Variants in IRAK3 observed in about 807,000 individuals in gnomAD.
IRAK3 encodes the protein interleukin-1 receptor-associated kinase 3.
Under a neutral mutation model 56.6 loss-of-function variants are expected in IRAK3, and 57 were observed. That is an observed-to-expected ratio of 1.01 (90% CI 0.81 to 1.26). IRAK3 has a LOEUF of 1.26. Among genes scored for constraint, IRAK3 ranks in the 50% most tolerant of loss-of-function variants. The pLI is 0.00. For missense variants in IRAK3, 703 were observed against 719.0 expected (o/e 0.98, Z 0.25); for synonymous variants, 258 against 255.7 (o/e 1.01, Z -0.09).
chr12:66,201,159 C>T (rs986774524), intron 1 of IRAK3, among the ~76,000 whole-genome samples: 5 of 152,182 alleles, frequency 3.3e-5, no homozygotes, highest in African/African-American at 1.2e-4. Context: ...CAAGACTTAT[C>T]ATTTTTCTGA....
At chr12:66,202,106 G>A (rs992347447) in intron 1 of IRAK3, among the ~76,000 whole-genome samples, 1 of 152,160 alleles carries the variant, frequency 6.6e-6, no homozygotes, top group Non-Finnish European at 1.5e-5. Context: ...TACTGTTCAA[G>A]AATAAAGTTA....
At chr12:66,219,760 A>T (rs2052712524) in intron 6 of IRAK3, among the ~76,000 whole-genome samples, 1 of 152,162 alleles carries the variant, frequency 6.6e-6, no homozygotes, top group Admixed American at 6.5e-5. Flanking sequence ...GTGTGAGGTG[A>T]TATCTCATTG....
intron 6 of IRAK3, among the ~76,000 whole-genome samples, chr12:66,218,956 C>T (rs145987794): frequency 6.6e-6 from 1 of 152,244 alleles, no homozygotes; most frequent in African/African-American, 2.4e-5. Context: ...TTTTACTTAG[C>T]ATAATGTCTT....
In IRAK3 at chr12:66,253,435, G is replaced by T. The variant is rs367874811; in HGVS notation, c.*5264G>T. ...TGTTGTGTTTTGTATCTGTCTTCCC[G>T]TTCCAAATCATTTATATATACTTGA... On this transcript the variant is annotated 3_prime_UTR_variant, in exon 12 of 12. Transcript: ENST00000261233. 9.2e-5 allele frequency: 14 copies of T among 152,084 alleles called. No homozygotes were observed. The highest frequency in any genetic ancestry group is 3.1e-4 in the African/African-American group (13 of 41,436). 9.4% of individuals were successfully genotyped at this position (152,084 alleles called of 1,614,324 possible).
rs753932137 is a variant in IRAK3 at position 66,254,407 on chromosome 12, G to A, written c.*6236G>A. On this transcript the variant is annotated 3_prime_UTR_variant, in exon 12 of 12. Coordinates refer to ENST00000261233, the MANE Select transcript of IRAK3 (RefSeq NM_007199.3). ...TTATTGAATCAAAAAGTAGACTACA[G>A]GATATATGTTGAATATGAGCTCATT... 3 of 152,144 alleles carry A rather than the reference G, an allele frequency of 2.0e-5. No homozygotes were observed. In the Middle Eastern group the frequency reaches 0.01, roughly 517 times the overall value. 9.4% of individuals were successfully genotyped at this position (152,144 alleles called of 1,614,324 possible). A position where few individuals can be genotyped will look rare whatever the true frequency, so the allele number is the denominator to read the frequency against.
At chr12:66,230,019 A>G (rs1404374175) in intron 8 of IRAK3, among the ~76,000 whole-genome samples, 2 of 152,166 alleles carry the variant, frequency 1.3e-5, no homozygotes, top group African/African-American at 4.8e-5. Context: ...AGAAAAGAGA[A>G]GGTGTTGGGG....
rs373648664 is a variant in IRAK3 at position 66,244,635 on chromosome 12, T to C, written c.1037T>C (p.Ile346Thr). 1 of 1,613,890 alleles carries C rather than the reference T, an allele frequency of 6.2e-7. No individual in the cohort carries two copies. The highest frequency in any genetic ancestry group is 1.7e-5 in the Admixed American group (1 of 60,000). The change falls in exon 9 of 12, where the codon ATC (isoleucine) becomes ACC (threonine). Residue 346 changes from isoleucine (I) to threonine (T), a missense_variant. Ile to Thr is a moderately conservative substitution (Grantham distance 89). Coordinates refer to ENST00000261233, the MANE Select transcript of IRAK3 (RefSeq NM_007199.3). ...KHLWYMPEEY[I>T]RQGKLSIKTD... ...CTGTGGTACATGCCAGAAGAGTACA[T>C]CAGACAGGGGAAACTTTCCATTAAA... is the stretch of plus-strand genomic sequence containing the variant.
rs2053134828 is a variant in IRAK3 at position 66,254,464 on chromosome 12, T to G, written c.*6293T>G. On this transcript the variant is annotated 3_prime_UTR_variant, in exon 12 of 12. Transcript: ENST00000261233. ...ATTGAATATTTTAAGATAATGTATG[T>G]TTCATAGAGAGATCTTCACCAAATG... 2 of 152,110 alleles carry G rather than the reference T, an allele frequency of 1.3e-5. No homozygotes were observed. The highest frequency in any genetic ancestry group is 1.3e-4 in the Admixed American group (2 of 15,264). 9.4% of individuals were successfully genotyped at this position (152,110 alleles called of 1,614,324 possible). A position where few individuals can be genotyped will look rare whatever the true frequency, so the allele number is the denominator to read the frequency against.
At chr12:66,228,501 G>A (rs1265633443) in intron 8 of IRAK3, 131 bp downstream of exon 8, 4 of 727,384 alleles carry the variant, frequency 5.5e-6, no homozygotes, top group Admixed American at 4.1e-5. Context: ...TCTCATCTAG[G>A]TATTTAAAAA....
At chr12:66,210,687 TAA>T (rs2052602978) in intron 4 of IRAK3, among the ~76,000 whole-genome samples, 1 of 152,194 alleles carries the variant, frequency 6.6e-6, no homozygotes, top group African/African-American at 2.4e-5. Context: ...TGATAAATGT[TAA>T]AGACTATTTA....
intron 1 of IRAK3, among the ~76,000 whole-genome samples, chr12:66,195,738 C>A (rs1266861561): frequency 6.6e-6 from 1 of 152,184 alleles, no homozygotes; most frequent in Non-Finnish European, 1.5e-5. Flanking sequence ...TGGCTCTCTG[C>A]AACCTCTACC....
At chr12:66,245,342 G>C in intron 11 of IRAK3, 80 bp downstream of exon 11, 1 of 1,423,470 alleles carries the variant, frequency 7.0e-7, no homozygotes, top group Non-Finnish European at 9.9e-7. Flanking sequence ...GTGTATCTAA[G>C]TGAATTATTT....
At chr12:66,245,072 A>G (rs1269770261) in intron 10 of IRAK3, 26 bp from the exon 11 acceptor site, 2 of 1,614,042 alleles carry the variant, frequency 1.2e-6, no homozygotes, top group South Asian at 1.1e-5. Context: ...GTTCTCTGTG[A>G]TAAAATTGTC....
Position 66,229,745 on chromosome 12 carries a change from T to G in IRAK3, c.887+1375T>G, listed in dbSNP as rs1018073236. On this transcript the variant is annotated intron_variant, in intron 8 of 11. Transcript: ENST00000261233. The stretch of plus-strand genomic sequence containing the variant: ...TCCGTTGGAATTGCTTTCAAAGGGC[T>G]GAGGTGGCCACCCACAACCTAAAAC... Among the ~76,000 whole-genome samples, 11 of 152,182 alleles carry G rather than the reference T, an allele frequency of 7.2e-5. 1 individual carries two copies. Among genetic ancestry groups the G allele is most frequent in the African/African-American group, 2.7e-4 (11 of 41,426 alleles).
chr12:66,248,629 T>TA lies in IRAK3; in HGVS notation c.*459dup, dbSNP rs2053062003. On this transcript the variant is annotated 3_prime_UTR_variant, in exon 12 of 12. Coordinates refer to ENST00000261233, the MANE Select transcript of IRAK3 (RefSeq NM_007199.3). ...TGTCTAATTTGTAAATGTTAATAGA[T>TA]ACCTTTGGAAAGAATCACCTTGTTA... 1 of 153,766 alleles carries TA rather than the reference T, an allele frequency of 6.5e-6. No individual in the cohort carries two copies. 9.5% of individuals were successfully genotyped at this position (153,766 alleles called of 1,614,324 possible). A position where few individuals can be genotyped will look rare whatever the true frequency, so the allele number is the denominator to read the frequency against.
At chr12:66,195,782 C>T (rs1322609223) in intron 1 of IRAK3, among the ~76,000 whole-genome samples, 1 of 152,154 alleles carries the variant, frequency 6.6e-6, no homozygotes, top group Non-Finnish European at 1.5e-5. Context: ...GCCTCAGCAT[C>T]CCGAGTGGGA....
At chr12:66,247,612 A>G (rs907626361) in intron 11 of IRAK3, 83 bp from the exon 12 acceptor site, 60 of 892,616 alleles carry the variant, frequency 6.7e-5, no homozygotes, top group Non-Finnish European at 9.7e-5. Flanking sequence ...ATGAAAGAAT[A>G]TTCTTTATAG....
At chr12:66,241,968 A>G (rs1192496886) in intron 8 of IRAK3, among the ~76,000 whole-genome samples, 1 of 152,072 alleles carries the variant, frequency 6.6e-6, no homozygotes, top group African/African-American at 2.4e-5. Context: ...CCCTTTTTGT[A>G]CTTAAAAGAT....
At chr12:66,190,285 G>C (rs947224164) in intron 1 of IRAK3, among the ~76,000 whole-genome samples, 1 of 152,008 alleles carries the variant, frequency 6.6e-6, no homozygotes, top group Admixed American at 6.6e-5. Flanking sequence ...TGTTACTGAT[G>C]AACAGTATGG....
Sources: gnomAD v4.1 joint callset for allele counts (sites outside exome capture counted in the v4.1 genomes callset) on GRCh38, gnomAD v4.1.1 for gene constraint, MANE v1.5 for transcripts, NCBI Gene and HGNC (gene_info 2026-07-23, HGNC 2026-07-21) for gene names.